The following SORL1 variants were observed in gnomAD, a reference collection of about 807,000 sequenced individuals.
The protein encoded by SORL1 is sortilin related receptor 1.
In SORL1, 127 loss-of-function variants were observed where a neutral mutation model predicts 273.7. The ratio of observed to expected loss-of-function variants is 0.46; its 90% CI spans 0.40 to 0.54. SORL1 has a LOEUF of 0.54. SORL1 is among the 20% of genes least tolerant of loss of function. The pLI is 0.00. For synonymous variants in SORL1, 1,031 were observed against 1,067.4 expected (o/e 0.97, Z 0.66); for missense variants, 2,494 against 2,846.1 (o/e 0.88, Z 2.81).
chr11:121,452,493 C>A lies in SORL1; in HGVS notation c.162C>A (p.Asp54Glu). ...QDRGFLVVQG[D>E]PRELRLWARG... ...GGGGCTTCCTCGTGGTGCAGGGCGA[C>A]CCGCGCGAGCTGCGGCTGTGGGCGC... The change falls in exon 1 of 48, where the codon GAC becomes GAA. Residue 54 changes from aspartate to glutamate, a missense_variant. Asp to Glu is a conservative substitution (Grantham distance 45). Around this residue, in one of 3 missense-constraint regions of SORL1, gnomAD observed 175 missense variants for 147.1 expected, o/e 1.19. Coordinates refer to ENST00000260197, the MANE Select transcript of SORL1 (RefSeq NM_003105.6). The surrounding 1 kb of genome is among the most constrained non-coding windows in gnomAD (Gnocchi z 5.3). 6.7e-7 allele frequency: 1 copy of A among 1,484,466 alleles called. No homozygotes were observed. The highest frequency in any genetic ancestry group is 8.9e-7 in the Non-Finnish European group (1 of 1,119,922). 92.0% of individuals were successfully genotyped at this position (1,484,466 alleles called of 1,614,324 possible). A position where few individuals can be genotyped will look rare whatever the true frequency, so the allele number is the denominator to read the frequency against.
rs535889590 is a variant in SORL1 at position 121,547,333 on chromosome 11, T to G, written c.2051+1904T>G. On this transcript the variant is annotated intron_variant, in intron 14 of 47. Coordinates refer to ENST00000260197, the MANE Select transcript of SORL1 (RefSeq NM_003105.6). ...AAGAAAGTCTAACAAATCTTTGGGG[T>G]TTTTTTTTTTTTCATGACATTTAGG... is the stretch of plus-strand genomic sequence containing the variant. Among the ~76,000 whole-genome samples the G allele has an allele frequency of 8.8e-3, 377 of 42,748 alleles. 5 individuals carry two copies. Among genetic ancestry groups the G allele is most frequent in the Admixed American group, 0.018 (72 of 3,914 alleles). The allele number at this position is 42,748 out of a possible 152,430, so 28.0% of individuals were successfully genotyped here. A position where few individuals can be genotyped will look rare whatever the true frequency, so the allele number is the denominator to read the frequency against.
At position 121,566,933 on chromosome 11, in the gene SORL1, C is replaced by T. The variant is rs1862762830; in HGVS notation, c.3050-7C>T. ...AACCTACCTGCTGCTGTTTGTCTTC[C>T]CTCCAGGAAGCAATGCCTGTGTGCC... On this transcript the variant is annotated splice_region_variant and splice_polypyrimidine_tract_variant and intron_variant, in intron 21 of 47. Coordinates refer to ENST00000260197, the MANE Select transcript of SORL1 (RefSeq NM_003105.6). The T allele has an allele frequency of 6.2e-7, 1 of 1,611,752 alleles. No homozygotes were observed. The highest frequency in any genetic ancestry group is 1.3e-5 in the African/African-American group (1 of 75,008).
intron 40 of SORL1, chr11:121,614,626 C>G (rs1488506120): frequency 2.4e-6 from 1 of 417,924 alleles, no homozygotes; most frequent in African/African-American, 2.1e-5. Flanking sequence ...AGCGTTGTAC[C>G]AACTCCTATC....
At chr11:121,572,199 G>A (rs1240075802) in intron 23 of SORL1, among the ~76,000 whole-genome samples, 1 of 152,170 alleles carries the variant, frequency 6.6e-6, no homozygotes, top group African/African-American at 2.4e-5. Context: ...CTACTAAATG[G>A]ACAAGCTGAA....
intron 4 of SORL1, 122 bp downstream of exon 4, chr11:121,488,315 A>G: frequency 1.1e-6 from 1 of 947,580 alleles, no homozygotes; most frequent in African/African-American, 1.6e-5. Flanking sequence ...TCTTGGGCCT[A>G]GCCTTTGTAG....
At chr11:121,575,916 A>T (rs915721851) in intron 24 of SORL1, among the ~76,000 whole-genome samples, 1 of 152,154 alleles carries the variant, frequency 6.6e-6, no homozygotes, top group Non-Finnish European at 1.5e-5. Flanking sequence ...GCTCATTCTT[A>T]CTAGTTTGTC....
chr11:121,481,225 A>G (rs1259256798), intron 3 of SORL1, among the ~76,000 whole-genome samples: 3 of 100,300 alleles, frequency 3.0e-5, no homozygotes, highest in Admixed American at 9.3e-5. Context: ...GTGCACAGAT[A>G]CCTATAGGCA....
intron 21 of SORL1, among the ~76,000 whole-genome samples, chr11:121,565,352 GT>G (rs538580462): frequency 6.6e-5 from 10 of 152,234 alleles, no homozygotes; most frequent in African/African-American, 1.9e-4. Flanking sequence ...TAATAACGTT[GT>G]TGCCATAGCA....
chr11:121,624,528 G>A (rs1863766417), intron 45 of SORL1, among the ~76,000 whole-genome samples: 1 of 152,236 alleles, frequency 6.6e-6, no homozygotes, highest in African/African-American at 2.4e-5. Context: ...CTGATTTCAA[G>A]GCCAGGTTGT....
intron 18 of SORL1, among the ~76,000 whole-genome samples, 177 bp downstream of exon 18, chr11:121,555,495 C>T (rs997548436): frequency 2.6e-5 from 4 of 152,112 alleles, no homozygotes; most frequent in Non-Finnish European, 5.9e-5. Flanking sequence ...GGGTAAGTAC[C>T]TGTGAGTTGA....
intron 45 of SORL1, among the ~76,000 whole-genome samples, chr11:121,624,031 A>G (rs886932993): frequency 6.6e-6 from 1 of 152,236 alleles, no homozygotes; most frequent in Admixed American, 6.5e-5. Flanking sequence ...GAGCCAAGTG[A>G]AAGGGGAAAC....
At chr11:121,607,371 C>T (rs895084110) in intron 37 of SORL1, 81 bp downstream of exon 37, 1 of 773,430 alleles carries the variant, frequency 1.3e-6, no homozygotes, top group Non-Finnish European at 2.2e-6. Context: ...GAACTCTCTA[C>T]TCACCTTTGT....
chr11:121,564,744 A>ATT (rs56704272), intron 21 of SORL1, among the ~76,000 whole-genome samples: 2 of 147,218 alleles, frequency 1.4e-5, no homozygotes, highest in South Asian at 2.2e-4. Context: ...AATTTTGCTT[A>ATT]TTTTTTTTTT....
chr11:121,502,028 T>G (rs1861716271), intron 6 of SORL1, among the ~76,000 whole-genome samples: 1 of 152,076 alleles, frequency 6.6e-6, no homozygotes, highest in African/African-American at 2.4e-5. Flanking sequence ...CAAACAGTGC[T>G]GCTGTGAATG....
intron 5 of SORL1, among the ~76,000 whole-genome samples, chr11:121,495,700 G>GT (rs758709999): frequency 1.1e-3 from 166 of 152,186 alleles, no homozygotes; most frequent in Non-Finnish European, 1.5e-3. Context: ...GAGCAGATAA[G>GT]TTGTCCTCTG....
At chr11:121,555,152 G>C in intron 17 of SORL1, 35 bp from the exon 18 acceptor site, 1 of 1,603,410 alleles carries the variant, frequency 6.2e-7, no homozygotes, top group South Asian at 1.1e-5. Flanking sequence ...CGTTTGAACA[G>C]TTCCTAGCAT....
chr11:121,517,186 T>C (rs1208969636), intron 8 of SORL1, among the ~76,000 whole-genome samples: 1 of 152,212 alleles, frequency 6.6e-6, no homozygotes, highest in Non-Finnish European at 1.5e-5. Flanking sequence ...CATGGCCTTC[T>C]CATTTCTCCA....
intron 5 of SORL1, among the ~76,000 whole-genome samples, chr11:121,492,662 A>G (rs548366075): frequency 2.6e-5 from 4 of 152,302 alleles, no homozygotes; most frequent in African/African-American, 9.6e-5. Flanking sequence ...TGATATAGAA[A>G]GTGTCAAGTT....
chr11:121,600,559 C>G (rs755905313), intron 32 of SORL1, among the ~76,000 whole-genome samples: 1 of 152,180 alleles, frequency 6.6e-6, no homozygotes, highest in Admixed American at 6.5e-5. Context: ...TGGGACCTCC[C>G]TCCTGGGTGA....
Sources: allele counts gnomAD v4.1 joint callset (sites outside exome capture counted in the v4.1 genomes callset), GRCh38; gene constraint gnomAD v4.1.1; regional missense constraint gnomAD v4.1.1; non-coding constraint Gnocchi (gnomAD v3.1); transcripts MANE v1.5; gene names NCBI Gene and HGNC (gene_info 2026-07-23, HGNC 2026-07-21).